WASF2: variants seen among roughly 807,000 people sequenced by gnomAD.
The protein encoded by WASF2 is actin-binding protein WASF2.
WASF2 carries 14 observed loss-of-function variants against 45.0 expected under a neutral mutation model. The ratio of observed to expected loss-of-function variants is 0.31; its 90% CI spans 0.21 to 0.49. WASF2 has a LOEUF of 0.49. Ranked by LOEUF, WASF2 falls within the 20% of genes least tolerant of loss-of-function variation. The pLI, the probability that WASF2 is intolerant of heterozygous loss-of-function variation, is 0.99. For synonymous variants in WASF2, 200 were observed against 236.3 expected (o/e 0.85, Z 1.41); for missense variants, 439 against 636.1 (o/e 0.69, Z 3.33).
At position 27,407,636 on chromosome 1, in the gene WASF2, T is replaced by C. The variant is rs1249476903; in HGVS notation, c.*553A>G. 6.6e-6 allele frequency: 1 copy of C among 152,370 alleles called. No homozygotes were observed. The highest frequency in any genetic ancestry group is 6.5e-5 in the Admixed American group (1 of 15,274). The allele number at this position is 152,370 out of a possible 1,614,324, so 9.4% of individuals were successfully genotyped here. A position where few individuals can be genotyped will look rare whatever the true frequency, so the allele number is the denominator to read the frequency against. The stretch of plus-strand genomic sequence containing the variant: ...CCTGGAATAAAGGGCATCCCAGGCA[T>C]AGAGATCGCTTAGCAAAAGGCAGGC... On this transcript the variant is annotated 3_prime_UTR_variant, in exon 9 of 9. Transcript: ENST00000618852.
intron 1 of WASF2, among the ~76,000 whole-genome samples, chr1:27,469,714 G>T (rs556708559): frequency 6.6e-6 from 1 of 152,264 alleles, no homozygotes; most frequent in African/African-American, 2.4e-5. Context: ...GGCCAAGGCT[G>T]GCAGATCACC....
chr1:27,411,764 A>G (rs1292807607), intron 7 of WASF2, among the ~76,000 whole-genome samples: 1 of 152,220 alleles, frequency 6.6e-6, no homozygotes, highest in Non-Finnish European at 1.5e-5. Context: ...TCGAGAAGCT[A>G]AGGCAAGAGA....
chr1:27,426,756 C>A (rs2016986971), intron 2 of WASF2, among the ~76,000 whole-genome samples: 1 of 152,072 alleles, frequency 6.6e-6, no homozygotes, highest in Non-Finnish European at 1.5e-5. Context: ...GTGATCCACA[C>A]CCTTCAGCCT....
intron 2 of WASF2, among the ~76,000 whole-genome samples, chr1:27,427,528 G>A (rs1157867441): frequency 6.6e-6 from 1 of 152,158 alleles, no homozygotes; most frequent in East Asian, 1.9e-4. Flanking sequence ...GCTACTGTCA[G>A]TGTTCCTTTG....
In WASF2 at chr1:27,408,075, C is replaced by T; in HGVS notation, c.*114G>A. On this transcript the variant is annotated 3_prime_UTR_variant, in exon 9 of 9. Transcript: ENST00000618852. Reference sequence around the variant, plus strand: ...TGGTTGCTTCAGGGAAAGCTTTGGCCCCTTAAAATTACTTTTTTCCTCCCT... The same window carrying T: ...TGGTTGCTTCAGGGAAAGCTTTGGCTCCTTAAAATTACTTTTTTCCTCCCT... 3.1e-6 allele frequency: 4 copies of T among 1,287,998 alleles called. No homozygotes were observed. The highest frequency in any genetic ancestry group is 4.2e-6 in the Non-Finnish European group (4 of 941,546). 79.8% of individuals were successfully genotyped at this position (1,287,998 alleles called of 1,614,324 possible).
chr1:27,418,162 TA>T, intron 4 of WASF2, 106 bp downstream of exon 4: 1 of 1,318,314 alleles, frequency 7.6e-7, no homozygotes, highest in Non-Finnish European at 1.0e-6. Context: ...GGGTAGGCAG[TA>T]AGCTTTTAGA....
Position 27,407,820 on chromosome 1 carries a change from C to A in WASF2, c.*369G>T. ...GGCTGGCATTCGAAGTGGCTGAGGG[C>A]ACAGGTTTTAGAAGGCTGTAGTTGA... On this transcript the variant is annotated 3_prime_UTR_variant, in exon 9 of 9. Transcript: ENST00000618852. 1 of 183,794 alleles carries A rather than the reference C, an allele frequency of 5.4e-6. No individual in the cohort carries two copies. The highest frequency in any genetic ancestry group is 1.1e-5 in the Non-Finnish European group (1 of 88,374). 11.4% of individuals were successfully genotyped at this position (183,794 alleles called of 1,614,324 possible).
chr1:27,465,066 G>T (rs184747310), intron 1 of WASF2, among the ~76,000 whole-genome samples: 1 of 152,210 alleles, frequency 6.6e-6, no homozygotes, highest in Admixed American at 6.5e-5. Flanking sequence ...TTTTAAAGAC[G>T]CAAGGAAACA....
At chr1:27,428,687 GGGA>G in intron 2 of WASF2, 71 bp downstream of exon 2, 2 of 1,608,160 alleles carry the variant, frequency 1.2e-6, no homozygotes, top group East Asian at 2.2e-5. Context: ...ATAGGAACGC[GGGA>G]GGAGAAGGAA....
intron 1 of WASF2, among the ~76,000 whole-genome samples, chr1:27,458,507 T>C (rs978241431): frequency 3.9e-5 from 6 of 151,952 alleles, no homozygotes; most frequent in Non-Finnish European, 8.8e-5. Context: ...AAAAATTAAG[T>C]AAAAATTAGG....
At chr1:27,437,550 T>A (rs1379967707) in intron 1 of WASF2, among the ~76,000 whole-genome samples, 2 of 152,192 alleles carry the variant, frequency 1.3e-5, no homozygotes, top group East Asian at 3.8e-4. Context: ...TTGTTATGGA[T>A]CCACTTAAAT....
chr1:27,451,437 AG>A (rs1215915869), intron 1 of WASF2, among the ~76,000 whole-genome samples: 1 of 152,234 alleles, frequency 6.6e-6, no homozygotes, highest in African/African-American at 2.4e-5. Context: ...GCTGAAGTGC[AG>A]GAAGTCATGA....
intron 1 of WASF2, among the ~76,000 whole-genome samples, chr1:27,461,801 TACAGGTAC>T (rs1046489407): frequency 2.8e-4 from 42 of 151,154 alleles, no homozygotes; most frequent in African/African-American, 9.0e-4. Context: ...TAGCTGGGAC[TACAGGTAC>T]ACACCAATAG....
Position 27,405,834 on chromosome 1 carries a change from T to C in WASF2, c.*2355A>G, listed in dbSNP as rs1004631180. 3.9e-5 allele frequency: 6 copies of C among 152,468 alleles called. No homozygotes were observed. Among genetic ancestry groups the C allele is most frequent in the African/African-American group, 1.2e-4 (5 of 41,416 alleles). The allele number at this position is 152,468 out of a possible 1,614,324, so 9.4% of individuals were successfully genotyped here. A position where few individuals can be genotyped will look rare whatever the true frequency, so the allele number is the denominator to read the frequency against. ...CCAAACCAACTGTAGGATGAGAACA[T>C]AGCACATCGAAACCCTAGGAGGTCA... is the stretch of plus-strand genomic sequence containing the variant. On this transcript the variant is annotated 3_prime_UTR_variant, in exon 9 of 9. Transcript: ENST00000618852.
chr1:27,427,384 A>G (rs895790523), intron 2 of WASF2, among the ~76,000 whole-genome samples: 3 of 152,242 alleles, frequency 2.0e-5, no homozygotes, highest in Non-Finnish European at 2.9e-5. Context: ...AGAAGGAACC[A>G]GTGTGTGATT....
intron 1 of WASF2, among the ~76,000 whole-genome samples, chr1:27,445,229 C>G (rs2017295788): frequency 6.6e-6 from 1 of 152,144 alleles, no homozygotes; most frequent in South Asian, 2.1e-4. Context: ...TTGAATATTT[C>G]TAGTCCTCCA....
chr1:27,466,762 G>A (rs1241388627), intron 1 of WASF2, among the ~76,000 whole-genome samples: 5 of 152,016 alleles, frequency 3.3e-5, no homozygotes, highest in African/African-American at 1.2e-4. Context: ...AGCTACTTGG[G>A]AGGCTGAGGT....
intron 1 of WASF2, among the ~76,000 whole-genome samples, chr1:27,429,850 G>A (rs928351716): frequency 2.0e-5 from 3 of 151,528 alleles, no homozygotes; most frequent in Admixed American, 6.6e-5. Flanking sequence ...TTGACTGAAC[G>A]AGAGAATATA....
intron 1 of WASF2, among the ~76,000 whole-genome samples, chr1:27,441,393 C>T (rs1486997957): frequency 6.6e-6 from 1 of 150,736 alleles, no homozygotes; most frequent in Non-Finnish European, 1.5e-5. Flanking sequence ...TTTGGGAGGC[C>T]GAGGTGGGTG....
Sources: gnomAD v4.1 joint callset for allele counts (sites outside exome capture counted in the v4.1 genomes callset) on GRCh38, gnomAD v4.1.1 for gene constraint, MANE v1.5 for transcripts, NCBI Gene and HGNC (gene_info 2026-07-23, HGNC 2026-07-21) for gene names.